The following FAM210A variants were observed in gnomAD, a reference collection of about 807,000 sequenced individuals.
The protein encoded by FAM210A is mitochondrial inner membrane scaffold 1, also known as family with sequence similarity 210 member A.
FAM210A carries 13 observed loss-of-function variants against 25.3 expected under a neutral mutation model. The observed-to-expected ratio is 0.51, with a 90% CI of 0.33 to 0.82. The LOEUF (loss-of-function observed/expected upper bound fraction) is 0.82, where lower values mean the gene tolerates loss of function less well. Among genes scored for constraint, FAM210A ranks in the 40% least tolerant of loss-of-function variants. The probability of loss-of-function intolerance (pLI) is 0.02; values close to 1 mark genes in which losing one functional copy is unlikely to be tolerated. For missense variants in FAM210A, 319 were observed against 323.2 expected (o/e 0.99, Z 0.10); for synonymous variants, 125 against 118.7 (o/e 1.05, Z -0.35).
At chr18:13,672,949 G>A (rs755081642) in intron 2 of FAM210A, among the ~76,000 whole-genome samples, 64 of 152,160 alleles carry the variant, frequency 4.2e-4, no homozygotes, top group Admixed American at 4.1e-3. Flanking sequence ...AACTTGAGCC[G>A]CAACTTCTCC....
intron 1 of FAM210A, among the ~76,000 whole-genome samples, chr18:13,702,209 C>T (rs1265122237): frequency 6.6e-6 from 1 of 152,202 alleles, no homozygotes; most frequent in East Asian, 1.9e-4. Context: ...ACTTCTACCT[C>T]TCTCTCCCTG....
chr18:13,666,261 C>T lies in FAM210A; in HGVS notation c.*219G>A. The T allele has an allele frequency of 1.9e-6, 1 of 529,816 alleles. No homozygotes were observed. The highest frequency in any genetic ancestry group is 3.4e-6 in the Non-Finnish European group (1 of 295,816). The allele number at this position is 529,816 out of a possible 1,614,324, so 32.8% of individuals were successfully genotyped here. ...CATTAACCACTGCTTAATACTGCTA[C>T]TGATGGCAAATTCTTAAACTGGGTT... On this transcript the variant is annotated 3_prime_UTR_variant, in exon 4 of 4. Transcript: ENST00000651643.
intron 1 of FAM210A, among the ~76,000 whole-genome samples, chr18:13,717,711 A>C (rs1417120165): frequency 1.3e-5 from 2 of 152,210 alleles, no homozygotes; most frequent in Non-Finnish European, 2.9e-5. Flanking sequence ...GGTAACATAA[A>C]GGTTAATCAA....
chr18:13,691,768 G>A (rs1373725104), intron 1 of FAM210A, among the ~76,000 whole-genome samples: 1 of 137,256 alleles, frequency 7.3e-6, no homozygotes, highest in Non-Finnish European at 1.6e-5. Flanking sequence ...AACATGGAAA[G>A]GAACAACCAG....
chr18:13,676,804 G>A (rs1007227900), intron 2 of FAM210A, among the ~76,000 whole-genome samples: 1 of 152,252 alleles, frequency 6.6e-6, no homozygotes, highest in South Asian at 2.1e-4. Context: ...CTCAACTTGG[G>A]TTTGTCTGAT....
intron 1 of FAM210A, among the ~76,000 whole-genome samples, chr18:13,709,740 C>A (rs1411258531): frequency 6.6e-6 from 1 of 152,174 alleles, no homozygotes; most frequent in African/African-American, 2.4e-5. Flanking sequence ...TGCTGGCACA[C>A]AGGAGGCACT....
chr18:13,670,172 T>C (rs943248878), intron 3 of FAM210A, among the ~76,000 whole-genome samples: 1 of 152,026 alleles, frequency 6.6e-6, no homozygotes, highest in African/African-American at 2.4e-5. Context: ...TCCTGGGAGC[T>C]CCTAATCAAA....
chr18:13,669,723 T>G (rs757465376), intron 3 of FAM210A, among the ~76,000 whole-genome samples: 1 of 152,200 alleles, frequency 6.6e-6, no homozygotes, highest in Admixed American at 6.5e-5. Context: ...TATTTTGCAC[T>G]GTCTTCTTTG....
intron 1 of FAM210A, among the ~76,000 whole-genome samples, chr18:13,714,887 C>T (rs1160259504): frequency 6.6e-6 from 1 of 152,022 alleles, no homozygotes; most frequent in Admixed American, 6.6e-5. Flanking sequence ...TAGATTGTCC[C>T]CAGTTTTAAT....
intron 1 of FAM210A, among the ~76,000 whole-genome samples, chr18:13,710,061 C>T (rs2043809306): frequency 6.6e-6 from 1 of 152,168 alleles, no homozygotes. Context: ...AAGATAATAT[C>T]CCTCCCTAAA....
intron 1 of FAM210A, among the ~76,000 whole-genome samples, chr18:13,716,616 G>C (rs935494703): frequency 6.6e-6 from 1 of 152,116 alleles, no homozygotes; most frequent in African/African-American, 2.4e-5. Context: ...TAATCCCCAC[G>C]TGTTAAGCGA....
chr18:13,726,462 C>A lies in FAM210A; in HGVS notation c.-162G>T. 1 of 152,766 alleles carries A rather than the reference C, an allele frequency of 6.5e-6. No individual in the cohort carries two copies. The highest frequency in any genetic ancestry group is 2.0e-4 in the South Asian group (1 of 4,924). The allele number at this position is 152,766 out of a possible 1,614,324, so 9.5% of individuals were successfully genotyped here. A position where few individuals can be genotyped will look rare whatever the true frequency, so the allele number is the denominator to read the frequency against. On this transcript the variant is annotated 5_prime_UTR_variant, in exon 1 of 4. Coordinates refer to ENST00000651643, the MANE Select transcript of FAM210A (RefSeq NM_152352.4). ...GGTCCGCGTGCAGGAACCCGCCGGG[C>A]TCAGCCGGACGCTAGCCCCCTGCCG...
In FAM210A at chr18:13,708,154, G is replaced by A. The variant is rs574014098; in HGVS notation, c.-29+18175C>T. ...GCTTGTCGCCTTGCAATGGGCAATA[G>A]AACCTGGTAGTCCTTTAACGCTGGG... On this transcript the variant is annotated intron_variant, in intron 1 of 3. Transcript: ENST00000651643. Among the ~76,000 whole-genome samples, 3 of 152,224 alleles carry A rather than the reference G, an allele frequency of 2.0e-5. No homozygotes were observed. The South Asian group carries it at 6.2e-4, about 32-fold the overall frequency.
At position 13,705,123 on chromosome 18, in the gene FAM210A, A is replaced by AT. The variant is rs1439487928; in HGVS notation, c.-29+21205dup. Among the ~76,000 whole-genome samples the AT allele has an allele frequency of 8.5e-5, 13 of 152,240 alleles. 1 individual carries two copies. The highest frequency in any genetic ancestry group is 7.8e-4 in the Admixed American group (12 of 15,292). On this transcript the variant is annotated intron_variant, in intron 1 of 3. Transcript: ENST00000651643. ...TGCTAACCCAAGTAGACAGAAATTA[A>AT]TTGAACACCAAGAAAATACTTTGCC...
chr18:13,724,329 C>A (rs886784667), intron 1 of FAM210A, among the ~76,000 whole-genome samples: 1 of 152,180 alleles, frequency 6.6e-6, no homozygotes, highest in Non-Finnish European at 1.5e-5. Context: ...AGCCAGACTG[C>A]CTGGGTCCAA....
chr18:13,725,330 G>A (rs1163543106), intron 1 of FAM210A, among the ~76,000 whole-genome samples: 1 of 152,140 alleles, frequency 6.6e-6, no homozygotes, highest in Non-Finnish European at 1.5e-5. Flanking sequence ...AGAAATTGAT[G>A]GGTCATCCTT....
chr18:13,674,374 A>T, intron 2 of FAM210A, among the ~76,000 whole-genome samples: 3 of 6,702 alleles, frequency 4.5e-4, no homozygotes, highest in African/African-American at 1.0e-3. Flanking sequence ...CTTGATTTCC[A>T]GTTTCCTGAT....
At chr18:13,710,869 C>T (rs1363446958) in intron 1 of FAM210A, among the ~76,000 whole-genome samples, 8 of 152,208 alleles carry the variant, frequency 5.3e-5, no homozygotes, top group Non-Finnish European at 7.3e-5. Flanking sequence ...TCCTGTATGG[C>T]CAGCATGACA....
At chr18:13,670,631 C>T (rs116882970) in intron 3 of FAM210A, among the ~76,000 whole-genome samples, 4,514 of 152,256 alleles carry the variant, frequency 0.03, 80 homozygotes, top group Middle Eastern at 0.061. Flanking sequence ...ATTAATATGG[C>T]TAAACTCCAC....
Sources: allele counts gnomAD v4.1 joint callset (sites outside exome capture counted in the v4.1 genomes callset), GRCh38; gene constraint gnomAD v4.1.1; transcripts MANE v1.5; gene names NCBI Gene and HGNC (gene_info 2026-07-23, HGNC 2026-07-21).